STK33: variants seen among roughly 807,000 people sequenced by gnomAD.
STK33 encodes the protein serine/threonine kinase 33.
In STK33, 52 loss-of-function variants were observed where a neutral mutation model predicts 58.0. The ratio of observed to expected loss-of-function variants is 0.90; its 90% CI spans 0.72 to 1.13. The LOEUF is 1.13. STK33 is among the 50% of genes most tolerant of loss of function. STK33 has a pLI of 0.00. For missense variants in STK33, 630 were observed against 604.2 expected (o/e 1.04, Z -0.45); for synonymous variants, 215 against 200.1 (o/e 1.07, Z -0.63).
chr11:8,338,246 C>A, the STK33 span, among the ~76,000 whole-genome samples: 1 of 152,152 alleles, frequency 6.6e-6, no homozygotes, highest in Non-Finnish European at 1.5e-5. Context: ...CTCCAGAGGG[C>A]GCCACACAGG....
chr11:8,557,906 C>T (rs539370368), intron 1 of STK33, among the ~76,000 whole-genome samples: 11 of 152,084 alleles, frequency 7.2e-5, no homozygotes, highest in South Asian at 6.2e-4. Context: ...TAAACATGGA[C>T]GATTAGCAAT....
chr11:8,405,450 A>C (rs1402542577), intron 15 of STK33, among the ~76,000 whole-genome samples: 1 of 152,142 alleles, frequency 6.6e-6, no homozygotes, highest in Non-Finnish European at 1.5e-5. Flanking sequence ...GCAATGTAGG[A>C]GTTGTTTATA....
the STK33 span, among the ~76,000 whole-genome samples, chr11:8,368,413 T>A: frequency 3.3e-5 from 5 of 152,210 alleles, no homozygotes; most frequent in African/African-American, 1.2e-4. Context: ...GCCTGTGCCA[T>A]CAAGGTCGAA....
At chr11:8,459,858 T>C in intron 8 of STK33, among the ~76,000 whole-genome samples, 1 of 152,000 alleles carries the variant, frequency 6.6e-6, no homozygotes, top group East Asian at 1.9e-4. Flanking sequence ...CACATGTGTA[T>C]GAGGAAACTA....
chr11:8,434,501 T>G (rs565869096), intron 14 of STK33, among the ~76,000 whole-genome samples: 2 of 152,290 alleles, frequency 1.3e-5, no homozygotes, highest in Admixed American at 6.5e-5. Flanking sequence ...TGTTTGAGTA[T>G]TGTATTAATT....
chr11:8,571,643 C>T (rs1355854319), intron 1 of STK33, among the ~76,000 whole-genome samples: 2 of 152,004 alleles, frequency 1.3e-5, no homozygotes, highest in Admixed American at 1.3e-4. Context: ...ACCATCCTGG[C>T]TAACACGGTG....
intron 14 of STK33, among the ~76,000 whole-genome samples, chr11:8,424,054 T>C (rs1339680361): frequency 2.6e-5 from 4 of 151,906 alleles, no homozygotes; most frequent in Admixed American, 1.3e-4. Flanking sequence ...TTGTTACATA[T>C]GTATACATGT....
chr11:8,506,596 G>C (rs553481388), intron 1 of STK33, among the ~76,000 whole-genome samples: 2 of 148,964 alleles, frequency 1.3e-5, no homozygotes, highest in East Asian at 4.0e-4. Flanking sequence ...TGATTAGATT[G>C]GGCCCACCTG....
At chr11:8,447,161 G>C (rs377599059) in intron 11 of STK33, among the ~76,000 whole-genome samples, 24 of 152,060 alleles carry the variant, frequency 1.6e-4, no homozygotes, top group African/African-American at 5.8e-4. Context: ...GATATGAACA[G>C]ACACTTTTCA....
chr11:8,368,880 A>G, the STK33 span, among the ~76,000 whole-genome samples: 1 of 152,188 alleles, frequency 6.6e-6, no homozygotes, highest in Non-Finnish European at 1.5e-5. Context: ...TCAAATCCAC[A>G]TCTGGGAATT....
At chr11:8,457,678 A>T (rs2137124704) in intron 8 of STK33, among the ~76,000 whole-genome samples, 199 bp from the exon 9 acceptor site, 1 of 152,328 alleles carries the variant, frequency 6.6e-6, no homozygotes, top group Middle Eastern at 3.4e-3. Flanking sequence ...CAAGAAGCTC[A>T]CAAATAGTTA....
chr11:8,465,093 A>C, intron 6 of STK33: 1 of 249,158 alleles, frequency 4.0e-6, no homozygotes. Context: ...TATAAAAATG[A>C]ATCTCTTTCA....
intron 10 of STK33, among the ~76,000 whole-genome samples, chr11:8,454,202 T>A (rs1946594148): frequency 6.6e-6 from 1 of 152,252 alleles, no homozygotes; most frequent in Admixed American, 6.5e-5. Context: ...ATTTATATAT[T>A]TTGAAAGCAG....
chr11:8,493,149 G>A (rs1950767060), intron 1 of STK33, among the ~76,000 whole-genome samples: 1 of 152,180 alleles, frequency 6.6e-6, no homozygotes, highest in African/African-American at 2.4e-5. Flanking sequence ...AAAAATCAAT[G>A]AATCTGGGAG....
chr11:8,357,549 A>C, the STK33 span, among the ~76,000 whole-genome samples: 1 of 152,236 alleles, frequency 6.6e-6, no homozygotes, highest in Non-Finnish European at 1.5e-5. Context: ...TTGGGCTCCT[A>C]ATTCACAATT....
At chr11:8,519,886 G>A (rs1262915150) in intron 1 of STK33, among the ~76,000 whole-genome samples, 1 of 152,096 alleles carries the variant, frequency 6.6e-6, no homozygotes, top group Non-Finnish European at 1.5e-5. Flanking sequence ...AGGACCAGAC[G>A]GATTCACAGC....
intron 1 of STK33, among the ~76,000 whole-genome samples, chr11:8,559,026 T>C (rs990684010): frequency 6.6e-6 from 1 of 152,190 alleles, no homozygotes; most frequent in Non-Finnish European, 1.5e-5. Context: ...CCACAATTTC[T>C]AAATAGATTG....
chr11:8,502,308 A>G (rs1591514386), intron 1 of STK33, among the ~76,000 whole-genome samples: 1 of 152,322 alleles, frequency 6.6e-6, no homozygotes, highest in South Asian at 2.1e-4. Context: ...ATGGAACAGA[A>G]TAGAGGGCCC....
At chr11:8,426,442 A>C (rs1942772131) in intron 14 of STK33, among the ~76,000 whole-genome samples, 1 of 152,200 alleles carries the variant, frequency 6.6e-6, no homozygotes, top group Non-Finnish European at 1.5e-5. Flanking sequence ...TGCAACATTT[A>C]GGCAGGAAAA....
Sources: gnomAD v4.1 joint callset for allele counts (sites outside exome capture counted in the v4.1 genomes callset) on GRCh38, gnomAD v4.1.1 for gene constraint, MANE v1.5 for transcripts, NCBI Gene and HGNC (gene_info 2026-07-23, HGNC 2026-07-21) for gene names.